The following FGF13 variants were observed in gnomAD, a reference collection of about 807,000 sequenced individuals.
FGF13 encodes fibroblast growth factor homologous factor 2.
In FGF13, 2 loss-of-function variants were observed where a neutral mutation model predicts 19.5. The ratio of observed to expected loss-of-function variants is 0.10; its 90% CI spans 0.04 to 0.32. The LOEUF (loss-of-function observed/expected upper bound fraction) is 0.32. Ranked by LOEUF, FGF13 falls within the 10% of genes least tolerant of loss-of-function variation. The probability of loss-of-function intolerance (pLI) is 1.00; values close to 1 mark genes in which losing one functional copy is unlikely to be tolerated. For missense variants in FGF13, 113 were observed against 192.7 expected (o/e 0.59, Z 2.45); for synonymous variants, 72 against 76.9 (o/e 0.94, Z 0.33).
upstream of FGF13, among the ~76,000 whole-genome samples, chrX:139,204,547 G>C (rs2084450460): frequency 8.9e-6 from 1 of 112,894 alleles, no homozygotes; most frequent in African/African-American, 3.2e-5. Context: ...CGGGCCGCTC[G>C]CTGGGAGTTG....
intron 1 of FGF13, among the ~76,000 whole-genome samples, chrX:138,957,533 G>T (rs1368932528): frequency 9.0e-6 from 1 of 111,327 alleles, no homozygotes; most frequent in East Asian, 2.9e-4. Context: ...ACGAACTTTA[G>T]TTTTTTCCAA....
chrX:138,624,648 G>T lies in FGF13; in HGVS notation c.*8202C>A, dbSNP rs768727966. ...TCCTAACACTTTGGGAGGTCCCAAG[G>T]TGGGCAAGATGGCTTGAGCCCAGGA... On this transcript the variant is annotated 3_prime_UTR_variant, in exon 5 of 5. Transcript: ENST00000315930. 2.6e-4 allele frequency: 29 copies of T among 111,554 alleles called. No individual in the cohort carries two copies. Among genetic ancestry groups the T allele is most frequent in the African/African-American group, 9.1e-4 (28 of 30,680 alleles). The allele number at this position is 111,554 out of a possible 1,213,427, so 9.2% of individuals were successfully genotyped here.
At chrX:138,798,229 A>G (rs912017981) in intron 3 of FGF13, among the ~76,000 whole-genome samples, 1 of 111,498 alleles carries the variant, frequency 9.0e-6, no homozygotes, top group Non-Finnish European at 1.9e-5. Context: ...ATTTTGAGAT[A>G]TGTTCCATAA....
intron 1 of FGF13, among the ~76,000 whole-genome samples, chrX:139,048,169 T>C (rs1291833803): frequency 9.0e-6 from 1 of 111,298 alleles, no homozygotes; most frequent in Non-Finnish European, 1.9e-5. Context: ...TTTACCTTTG[T>C]ACATGTTGTG....
intron 3 of FGF13, among the ~76,000 whole-genome samples, chrX:138,749,369 ACG>A (rs2090380732): frequency 9.5e-6 from 1 of 105,150 alleles, no homozygotes; most frequent in Admixed American, 1.0e-4. Flanking sequence ...ACACACACAC[ACG>A]TACACATAAT....
chrX:139,083,374 G>A (rs1360296316), intron 1 of FGF13, among the ~76,000 whole-genome samples: 15 of 111,857 alleles, frequency 1.3e-4, no homozygotes. Context: ...GATAGAACCT[G>A]GTCTTGACTA....
chrX:139,050,823 C>A (rs1236614820), intron 1 of FGF13, among the ~76,000 whole-genome samples: 7 of 111,958 alleles, frequency 6.3e-5, no homozygotes, highest in Non-Finnish European at 5.6e-5. Flanking sequence ...TAACACTATG[C>A]CTCAAATAAA....
intron 1 of FGF13, among the ~76,000 whole-genome samples, chrX:139,130,000 CG>C (rs1812952563): frequency 8.9e-6 from 1 of 112,066 alleles, no homozygotes; most frequent in Non-Finnish European, 1.9e-5. Context: ...TTTTATGAAG[CG>C]GGGACAGTAG....
At chrX:138,761,939 G>C (rs945050312) in intron 3 of FGF13, among the ~76,000 whole-genome samples, 1 of 109,125 alleles carries the variant, frequency 9.2e-6, no homozygotes. Context: ...TTCTCTTCTT[G>C]CCTTTTTTCT....
chrX:138,812,150 A>G lies in FGF13; in HGVS notation c.217+45362T>C, dbSNP rs769361449. 3.6e-5 allele frequency among the ~76,000 whole-genome samples: 4 copies of G among 111,720 alleles called. No homozygotes were observed. In the East Asian group the frequency reaches 1.1e-3, roughly 32 times the overall value. On this transcript the variant is annotated intron_variant, in intron 3 of 6. Coordinates refer to the FGF13 transcript ENST00000436198. ...TGCCTATTCTAAAACATTTCACATAAGTGGAATCATACAACATGTGGTCTT... is the reference window on the plus strand; with the variant it reads ...TGCCTATTCTAAAACATTTCACATAGGTGGAATCATACAACATGTGGTCTT...
At chrX:139,002,643 G>A (rs1319161787) in intron 1 of FGF13, among the ~76,000 whole-genome samples, 1 of 111,012 alleles carries the variant, frequency 9.0e-6, no homozygotes, top group Non-Finnish European at 1.9e-5. Flanking sequence ...GAGAGGAGAG[G>A]GGAGAGTAAA....
chrX:138,907,131 G>A (rs951619102), intron 1 of FGF13, among the ~76,000 whole-genome samples: 5 of 111,467 alleles, frequency 4.5e-5, no homozygotes, highest in Non-Finnish European at 9.4e-5. Flanking sequence ...CAGCCAGCAA[G>A]ACACAGAGAA....
rs1177629006 is a variant in FGF13 at position 138,630,227 on chromosome X, C to A, written c.*2623G>T. ...GGGCATTTTGACTCCATCCTATTAA[C>A]GCAGGCATCCCTGAGACCCACATAG... On this transcript the variant is annotated 3_prime_UTR_variant, in exon 5 of 5. Transcript: ENST00000315930. 1 of 110,984 alleles carries A rather than the reference C, an allele frequency of 9.0e-6. No homozygotes were observed. Among genetic ancestry groups the A allele is most frequent in the Non-Finnish European group, 1.9e-5 (1 of 53,045 alleles). The allele number at this position is 110,984 out of a possible 1,213,427, so 9.1% of individuals were successfully genotyped here.
At chrX:139,129,134 CATACACATACAT>C (rs2083740330) in intron 1 of FGF13, among the ~76,000 whole-genome samples, 1 of 92,839 alleles carries the variant, frequency 1.1e-5, no homozygotes, top group Non-Finnish European at 2.1e-5. Flanking sequence ...TACACACACA[CATACACATACAT>C]ACACACATAC....
At chrX:139,044,934 A>T (rs1462847557) in intron 1 of FGF13, among the ~76,000 whole-genome samples, 1 of 111,556 alleles carries the variant, frequency 9.0e-6, no homozygotes, top group Non-Finnish European at 1.9e-5. Flanking sequence ...TCCACTAGGC[A>T]GCACCCCAGT....
intron 1 of FGF13, among the ~76,000 whole-genome samples, chrX:138,882,406 C>T (rs1018542410): frequency 5.4e-5 from 6 of 111,673 alleles, no homozygotes; most frequent in African/African-American, 2.0e-4. Context: ...TGATGTACAG[C>T]GTGATTCTAT....
chrX:138,874,433 C>CCT (rs1556276601), intron 1 of FGF13, among the ~76,000 whole-genome samples: 4 of 110,007 alleles, frequency 3.6e-5, no homozygotes, highest in Non-Finnish European at 7.6e-5. Flanking sequence ...TCTTTCTTCT[C>CCT]TTTTTTTTCC....
At chrX:139,185,416 G>A (rs2084275017) in intron 1 of FGF13, among the ~76,000 whole-genome samples, 1 of 112,048 alleles carries the variant, frequency 8.9e-6, no homozygotes, top group African/African-American at 3.2e-5. Context: ...TCTAACTTTT[G>A]TCAATAGCAG....
chrX:138,784,829 C>T (rs1465977179), intron 3 of FGF13, among the ~76,000 whole-genome samples: 1 of 111,838 alleles, frequency 8.9e-6, no homozygotes, highest in Non-Finnish European at 1.9e-5. Context: ...TTCCCTCCAT[C>T]ACACACATCT....
Sources: gnomAD v4.1 joint callset for allele counts (sites outside exome capture counted in the v4.1 genomes callset) on GRCh38, gnomAD v4.1.1 for gene constraint, MANE v1.5 for transcripts, NCBI Gene and HGNC (gene_info 2026-07-23, HGNC 2026-07-21) for gene names.